Variants in ANKS1B observed in about 807,000 individuals in gnomAD.
ANKS1B encodes the protein ankyrin repeat and sterile alpha motif domain-containing protein 1B.
ANKS1B carries 36 observed loss-of-function variants against 148.3 expected under a neutral mutation model. That is an observed-to-expected ratio of 0.24 (90% CI 0.19 to 0.32). The LOEUF is 0.32. ANKS1B is among the 10% of genes least tolerant of loss of function. ANKS1B has a pLI of 1.00. For synonymous variants in ANKS1B, 542 were observed against 560.8 expected (o/e 0.97, Z 0.47); for missense variants, 1,157 against 1,542.6 (o/e 0.75, Z 4.19).
At chr12:99,198,572 A>G (rs1485024775) in intron 14 of ANKS1B, among the ~76,000 whole-genome samples, 2 of 152,200 alleles carry the variant, frequency 1.3e-5, no homozygotes, top group African/African-American at 4.8e-5. Context: ...TTCCTTCTAC[A>G]TCAGTAACTG....
intron 1 of ANKS1B, among the ~76,000 whole-genome samples, chr12:99,924,329 T>TA (rs35577406): frequency 0.6 from 91,489 of 151,900 alleles, 28,658 homozygotes; most frequent in Middle Eastern, 0.7. Context: ...GCATGTATAA[T>TA]GGAAATATTA....
intron 8 of ANKS1B, among the ~76,000 whole-genome samples, chr12:99,735,849 C>A: frequency 7.3e-6 from 1 of 136,702 alleles, no homozygotes. Flanking sequence ...GACATAGACA[C>A]AAGAATCTTC....
intron 9 of ANKS1B, among the ~76,000 whole-genome samples, chr12:99,507,827 TA>T (rs869230967): frequency 6.6e-6 from 1 of 151,728 alleles, no homozygotes; most frequent in African/African-American, 2.4e-5. Flanking sequence ...ATAATTTTTT[TA>T]AAAAAATGGA....
intron 1 of ANKS1B, among the ~76,000 whole-genome samples, chr12:99,982,274 T>C (rs1247110277): frequency 2.0e-5 from 3 of 151,862 alleles, no homozygotes; most frequent in African/African-American, 4.8e-5. Context: ...TTTGATACTT[T>C]AGTGTCCACT....
intron 8 of ANKS1B, among the ~76,000 whole-genome samples, chr12:99,732,420 T>A (rs2059250312): frequency 6.6e-6 from 1 of 152,118 alleles, no homozygotes; most frequent in Non-Finnish European, 1.5e-5. Flanking sequence ...TGGAAAAACA[T>A]GTTGTAGTAT....
chr12:99,185,544 C>T (rs1255959155), intron 14 of ANKS1B, among the ~76,000 whole-genome samples: 2 of 152,018 alleles, frequency 1.3e-5, no homozygotes, highest in African/African-American at 4.8e-5. Flanking sequence ...ACTGAGGTAC[C>T]CGGTTTGTCT....
At chr12:99,039,667 AGTTTGTTT>A (rs376828296) in intron 17 of ANKS1B, among the ~76,000 whole-genome samples, 47 of 152,034 alleles carry the variant, frequency 3.1e-4, no homozygotes, top group Non-Finnish European at 4.3e-4. Context: ...GCTCCTCTGC[AGTTTGTTT>A]GTTTGTTTGT....
intron 12 of ANKS1B, among the ~76,000 whole-genome samples, chr12:99,347,002 C>T (rs1164812169): frequency 6.6e-6 from 1 of 152,074 alleles, no homozygotes; most frequent in Admixed American, 6.6e-5. Flanking sequence ...AAGAAAGCAC[C>T]TTGTTCTACC....
intron 9 of ANKS1B, among the ~76,000 whole-genome samples, chr12:99,605,854 A>G (rs1425628467): frequency 6.6e-6 from 1 of 152,096 alleles, no homozygotes; most frequent in Admixed American, 6.6e-5. Context: ...TATACCCTGT[A>G]GTAAGATTCC....
chr12:99,710,690 T>C (rs949088034), intron 8 of ANKS1B, among the ~76,000 whole-genome samples: 1 of 152,242 alleles, frequency 6.6e-6, no homozygotes, highest in South Asian at 2.1e-4. Context: ...TTAGTCAATA[T>C]CTATGAACAG....
At chr12:99,435,871 T>C (rs1436527584) in intron 11 of ANKS1B, among the ~76,000 whole-genome samples, 1 of 152,028 alleles carries the variant, frequency 6.6e-6, no homozygotes, top group Non-Finnish European at 1.5e-5. Context: ...CTCAGGTATT[T>C]TTTTAAAAAG....
intron 12 of ANKS1B, among the ~76,000 whole-genome samples, chr12:99,362,637 C>T (rs922409731): frequency 6.6e-5 from 10 of 151,944 alleles, no homozygotes; most frequent in African/African-American, 2.2e-4. Context: ...TATCTTAACA[C>T]ATTTTACTAT....
At chr12:99,446,016 C>A (rs534729611) in intron 10 of ANKS1B, among the ~76,000 whole-genome samples, 1 of 152,050 alleles carries the variant, frequency 6.6e-6, no homozygotes, top group South Asian at 2.1e-4. Context: ...AGCCACTGCA[C>A]CCAGCCCAAA....
intron 10 of ANKS1B, among the ~76,000 whole-genome samples, chr12:99,473,297 T>C (rs2096270075): frequency 6.6e-6 from 1 of 152,054 alleles, no homozygotes; most frequent in African/African-American, 2.4e-5. Flanking sequence ...TCCTACTGTT[T>C]TATTTTAACT....
chr12:99,774,503 G>C (rs750526512), intron 7 of ANKS1B, among the ~76,000 whole-genome samples: 13 of 152,046 alleles, frequency 8.6e-5, no homozygotes, highest in Non-Finnish European at 1.9e-4. Context: ...TGAGGATGTG[G>C]AGAAAGGGAA....
At chr12:99,746,010 A>T (rs1292302784) in intron 8 of ANKS1B, among the ~76,000 whole-genome samples, 1 of 152,158 alleles carries the variant, frequency 6.6e-6, no homozygotes, top group Non-Finnish European at 1.5e-5. Context: ...CTCTTAGATA[A>T]GCCTGATTAT....
chr12:99,170,959 G>C (rs1453758148), intron 14 of ANKS1B, among the ~76,000 whole-genome samples: 2 of 152,168 alleles, frequency 1.3e-5, no homozygotes, highest in Non-Finnish European at 2.9e-5. Flanking sequence ...GGTTATTTTT[G>C]AAGGTACTGG....
intron 12 of ANKS1B, among the ~76,000 whole-genome samples, chr12:99,392,042 AG>A (rs1420110825): frequency 6.6e-6 from 1 of 152,246 alleles, no homozygotes; most frequent in Non-Finnish European, 1.5e-5. Flanking sequence ...TTAGGAAAAC[AG>A]GTCCCAAAGA....
intron 9 of ANKS1B, among the ~76,000 whole-genome samples, chr12:99,563,233 T>C (rs12296313): frequency 0.022 from 3,359 of 152,310 alleles, 119 homozygotes; most frequent in South Asian, 0.065. Context: ...TCAAGAACTT[T>C]TCCTTTGCGT....
Sources: allele counts gnomAD v4.1 joint callset (sites outside exome capture counted in the v4.1 genomes callset), GRCh38; gene constraint gnomAD v4.1.1; transcripts MANE v1.5; gene names NCBI Gene and HGNC (gene_info 2026-07-23, HGNC 2026-07-21).